The following ZNF257 variants were observed in gnomAD, a reference collection of about 807,000 sequenced individuals.
ZNF257 encodes the protein bone marrow zinc finger 4.
Under a neutral mutation model 11.9 loss-of-function variants are expected in ZNF257, and 12 were observed. That is an observed-to-expected ratio of 1.01 (90% CI 0.65 to 1.63). The LOEUF is 1.63. Ranked by LOEUF, ZNF257 falls within the 40% of genes most tolerant of loss-of-function variation. The probability of loss-of-function intolerance (pLI) is 0.00; values close to 1 mark genes in which losing one functional copy is unlikely to be tolerated. For missense variants in ZNF257, 580 were observed against 665.5 expected (o/e 0.87, Z 1.41); for synonymous variants, 183 against 222.7 (o/e 0.82, Z 1.59).
chr19:22,065,049 G>A (rs1376666828), intron 1 of ZNF257, among the ~76,000 whole-genome samples: 9 of 131,698 alleles, frequency 6.8e-5, no homozygotes, highest in African/African-American at 2.0e-4. Context: ...ACGAGACTCC[G>A]CCTCAAAAAA....
intron 1 of ZNF257, among the ~76,000 whole-genome samples, chr19:22,067,905 TCTC>T (rs1191279717): frequency 1.3e-5 from 2 of 149,546 alleles, no homozygotes; most frequent in African/African-American, 2.5e-5. Flanking sequence ...TATGTATTCA[TCTC>T]CTGAAACCAT....
chr19:22,082,356 T>G (rs1264387482), intron 3 of ZNF257, among the ~76,000 whole-genome samples: 1 of 152,120 alleles, frequency 6.6e-6, no homozygotes, highest in Non-Finnish European at 1.5e-5. Flanking sequence ...TTTCTTTGTT[T>G]TTATATGCAA....
chr19:22,056,854 A>G (rs1480374669), intron 1 of ZNF257, among the ~76,000 whole-genome samples: 1 of 152,176 alleles, frequency 6.6e-6, no homozygotes, highest in African/African-American at 2.4e-5. Flanking sequence ...TAGCTTTTAG[A>G]ATGCTACCAA....
intron 1 of ZNF257, among the ~76,000 whole-genome samples, chr19:22,067,469 T>A (rs7248305): frequency 0.24 from 35,948 of 148,092 alleles, 5,815 homozygotes; most frequent in African/African-American, 0.47. Flanking sequence ...AGGTCTTAAG[T>A]TTTGGAAAAT....
intron 3 of ZNF257, among the ~76,000 whole-genome samples, chr19:22,078,210 C>T (rs10419929): frequency 0.048 from 6,810 of 142,188 alleles, 574 homozygotes; most frequent in African/African-American, 0.17. Flanking sequence ...TGCACTCCAG[C>T]CTGGGCAACA....
Position 22,088,489 on chromosome 19 carries a change from C to A in ZNF257, c.739C>A (p.His247Asn), listed in dbSNP as rs750129216. The change falls in exon 4 of 4, where the codon CAT (histidine) becomes AAT (asparagine). Residue 247 changes from histidine (H) to asparagine (N), a missense_variant. Coordinates refer to ENST00000594947, the MANE Select transcript of ZNF257 (RefSeq NM_033468.4). ...AFNRSSHLTQ[H>N]KVIHTREKPY... Reference sequence around the variant, plus strand: ...TAACCGGTCTTCACACCTTACTCAACATAAGGTAATTCATACTAGAGAGAA... The same window carrying A: ...TAACCGGTCTTCACACCTTACTCAAAATAAGGTAATTCATACTAGAGAGAA... The A allele has an allele frequency of 1.9e-5, 31 of 1,612,104 alleles. 1 individual carries two copies. In the East Asian group the frequency reaches 5.8e-4, roughly 30 times the overall value.
chr19:22,056,774 G>T (rs1293016675), intron 1 of ZNF257, among the ~76,000 whole-genome samples: 1 of 152,084 alleles, frequency 6.6e-6, no homozygotes, highest in Non-Finnish European at 1.5e-5. Flanking sequence ...CACCGCGCCC[G>T]GCCGAATTTA....
chr19:22,054,831 G>C (rs536674006), intron 1 of ZNF257, among the ~76,000 whole-genome samples: 3 of 151,714 alleles, frequency 2.0e-5, no homozygotes, highest in African/African-American at 7.3e-5. Flanking sequence ...TTGGTCTTGG[G>C]CTTCAGTATT....
intron 1 of ZNF257, among the ~76,000 whole-genome samples, chr19:22,068,316 T>C (rs1047836752): frequency 6.6e-6 from 1 of 152,084 alleles, no homozygotes; most frequent in Non-Finnish European, 1.5e-5. Flanking sequence ...GGTTTTTCTT[T>C]TTAGGCAGAC....
At chr19:22,056,505 T>G (rs930081726) in intron 1 of ZNF257, among the ~76,000 whole-genome samples, 7 of 133,078 alleles carry the variant, frequency 5.3e-5, no homozygotes, top group African/African-American at 1.6e-4. Flanking sequence ...TGAGACGGAG[T>G]CTCCCTCTCA....
At chr19:22,057,803 A>G (rs113563942) in intron 1 of ZNF257, among the ~76,000 whole-genome samples, 3,221 of 152,294 alleles carry the variant, frequency 0.021, 111 homozygotes, top group African/African-American at 0.073. Flanking sequence ...TGTGTCGCCC[A>G]GGCTGGAGTG....
At chr19:22,086,937 T>C (rs995882770) in intron 3 of ZNF257, among the ~76,000 whole-genome samples, 3 of 151,898 alleles carry the variant, frequency 2.0e-5, no homozygotes, top group African/African-American at 7.2e-5. Flanking sequence ...TTTGAACTTC[T>C]TTATTTTTAT....
chr19:22,052,504 C>T lies in ZNF257; in HGVS notation c.-129C>T, dbSNP rs1949958832. The T allele has an allele frequency of 6.3e-6, 7 of 1,112,942 alleles. No homozygotes were observed. Among genetic ancestry groups the T allele is most frequent in the South Asian group, 2.5e-5 (2 of 79,816 alleles). 68.9% of individuals were successfully genotyped at this position (1,112,942 alleles called of 1,614,324 possible). A position where few individuals can be genotyped will look rare whatever the true frequency, so the allele number is the denominator to read the frequency against. Reference sequence around the variant, plus strand: ...CGGGTACTTTGTCTCTCGCTCTAGCCCGAGCTGCAGGTCTCGTCTTCCCTG... The same window carrying T: ...CGGGTACTTTGTCTCTCGCTCTAGCTCGAGCTGCAGGTCTCGTCTTCCCTG... On this transcript the variant is annotated 5_prime_UTR_variant, in exon 1 of 4. Transcript: ENST00000594947.
In ZNF257 at chr19:22,089,374, C is replaced by A. The variant is rs1211695720; in HGVS notation, c.1624C>A (p.Pro542Thr). The A allele has an allele frequency of 6.2e-7, 1 of 1,613,058 alleles. No homozygotes were observed. Among genetic ancestry groups the A allele is most frequent in the Admixed American group, 1.7e-5 (1 of 59,880 alleles). The part of the protein sequence containing the change: ...VHKRIHAGEN[P>T]NKYEECGKAC... ...TAAGAGAATTCATGCTGGAGAGAAC[C>A]CCAACAAATATGAAGAATGTGGCAA... The change falls in exon 4 of 4, where the codon CCC becomes ACC. Residue 542 changes from proline to threonine, a missense_variant. Transcript: ENST00000594947.
intron 1 of ZNF257, among the ~76,000 whole-genome samples, chr19:22,061,737 C>G (rs1363643736): frequency 6.6e-6 from 1 of 151,848 alleles, no homozygotes; most frequent in Non-Finnish European, 1.5e-5. Context: ...ATGCTTCCAG[C>G]TTGTGTCCAT....
intron 3 of ZNF257, among the ~76,000 whole-genome samples, chr19:22,084,736 G>GTTTT (rs55702537): frequency 7.2e-6 from 1 of 139,764 alleles, no homozygotes; most frequent in African/African-American, 2.6e-5. Context: ...AAATTTTAGG[G>GTTTT]TTTTTTTTTT....
intron 3 of ZNF257, among the ~76,000 whole-genome samples, chr19:22,081,002 C>T (rs1051669758): frequency 1.3e-5 from 2 of 151,556 alleles, no homozygotes; most frequent in African/African-American, 2.4e-5. Context: ...CTCAGCCTCC[C>T]GAGTTGCTGG....
intron 1 of ZNF257, among the ~76,000 whole-genome samples, chr19:22,069,863 G>A (rs968290185): frequency 6.6e-6 from 1 of 152,076 alleles, no homozygotes. Context: ...TGGGATTTAA[G>A]TTTTTCTTAG....
At chr19:22,054,751 GT>G (rs200417995) in intron 1 of ZNF257, among the ~76,000 whole-genome samples, 1 of 152,036 alleles carries the variant, frequency 6.6e-6, no homozygotes, top group African/African-American at 2.4e-5. Flanking sequence ...TTATCAGAAT[GT>G]TTTTGGGTCA....
Sources: gnomAD v4.1 joint callset for allele counts (sites outside exome capture counted in the v4.1 genomes callset) on GRCh38, gnomAD v4.1.1 for gene constraint, MANE v1.5 for transcripts, NCBI Gene and HGNC (gene_info 2026-07-23, HGNC 2026-07-21) for gene names.